The following SH3RF2 variants were observed in gnomAD, a reference collection of about 807,000 sequenced individuals.
SH3RF2 encodes SH3 domain containing ring finger 2.
A neutral mutation model predicts 59.0 loss-of-function variants in SH3RF2; 43 were observed. The ratio of observed to expected loss-of-function variants is 0.73; its 90% CI spans 0.57 to 0.94. The LOEUF is 0.94. Among genes scored for constraint, SH3RF2 ranks in the 40% least tolerant of loss-of-function variants. The probability of loss-of-function intolerance (pLI) is 0.00; values close to 1 mark genes in which losing one functional copy is unlikely to be tolerated. For synonymous variants in SH3RF2, 391 were observed against 391.5 expected (o/e 1.00, Z 0.01); for missense variants, 930 against 940.1 (o/e 0.99, Z 0.14).
intron 5 of SH3RF2, among the ~76,000 whole-genome samples, chr5:146,035,165 T>C (rs576877106): frequency 2.0e-5 from 3 of 152,116 alleles, no homozygotes; most frequent in African/African-American, 7.2e-5. Flanking sequence ...GTAGGCGATT[T>C]TTTTTTCTCT....
intron 4 of SH3RF2, among the ~76,000 whole-genome samples, chr5:146,013,337 G>A (rs532629696): frequency 1.3e-5 from 2 of 152,228 alleles, no homozygotes; most frequent in Middle Eastern, 3.4e-3. Flanking sequence ...GCTGCTGGGA[G>A]CACCAGGAAG....
At chr5:145,981,354 C>T (rs1759498606) in intron 2 of SH3RF2, among the ~76,000 whole-genome samples, 2 of 152,122 alleles carry the variant, frequency 1.3e-5, no homozygotes, top group South Asian at 4.1e-4. Context: ...CCACCTGAGT[C>T]TCCCAAAGTA....
At chr5:145,963,823 T>C (rs1378443317) in intron 2 of SH3RF2, among the ~76,000 whole-genome samples, 2 of 148,878 alleles carry the variant, frequency 1.3e-5, no homozygotes, top group African/African-American at 2.5e-5. Flanking sequence ...TCTTTCTTTC[T>C]TTTTTGTTTT....
chr5:145,992,402 G>T (rs1759975005), intron 2 of SH3RF2, among the ~76,000 whole-genome samples: 1 of 152,068 alleles, frequency 6.6e-6, no homozygotes, highest in Non-Finnish European at 1.5e-5. Context: ...TGCAGGCTTG[G>T]GCTTGGGGAT....
chr5:145,986,370 T>C (rs4913058), intron 2 of SH3RF2, among the ~76,000 whole-genome samples: 31,311 of 152,104 alleles, frequency 0.21, 4,579 homozygotes, highest in African/African-American at 0.4. Context: ...TCACTCTGCA[T>C]GGTGTATTTG....
chr5:146,038,169 A>C (rs1762007814), intron 5 of SH3RF2, among the ~76,000 whole-genome samples: 1 of 152,258 alleles, frequency 6.6e-6, no homozygotes, highest in Non-Finnish European at 1.5e-5. Context: ...CTAGGAATAA[A>C]AAGAAACTTA....
intron 2 of SH3RF2, among the ~76,000 whole-genome samples, chr5:145,966,214 T>G (rs1758850627): frequency 6.6e-6 from 1 of 152,164 alleles, no homozygotes; most frequent in African/African-American, 2.4e-5. Flanking sequence ...CTGGCTGCCT[T>G]GGTGAGAAGG....
intron 2 of SH3RF2, among the ~76,000 whole-genome samples, chr5:145,960,757 G>C (rs1430743786): frequency 1.3e-5 from 2 of 152,174 alleles, no homozygotes; most frequent in Non-Finnish European, 2.9e-5. Context: ...ACCCATGGAA[G>C]TCTACAGAGA....
rs113384452 is a variant in SH3RF2 at position 146,074,667 on chromosome 5, C to T, written c.*34-3793C>T. The stretch of plus-strand genomic sequence containing the variant: ...ATGAAACATAAAATATAATTTCCTT[C>T]GTTATCATTAGGGTATAGTTATTGA... On this transcript the variant is annotated intron_variant, in intron 9 of 9. Transcript: ENST00000511217. 2.0e-4 allele frequency among the ~76,000 whole-genome samples: 31 copies of T among 152,204 alleles called. 1 individual carries two copies. The highest frequency in any genetic ancestry group is 6.0e-4 in the African/African-American group (25 of 41,512).
chr5:145,994,934 G>T (rs992894848), intron 2 of SH3RF2, among the ~76,000 whole-genome samples: 1 of 151,934 alleles, frequency 6.6e-6, no homozygotes, highest in Non-Finnish European at 1.5e-5. Flanking sequence ...ATCTAAAGGG[G>T]CTTAGATCTT....
At chr5:145,970,177 A>G (rs7725651) in intron 2 of SH3RF2, among the ~76,000 whole-genome samples, 4,830 of 151,488 alleles carry the variant, frequency 0.032, 238 homozygotes, top group African/African-American at 0.11. Context: ...TTAATTGGAT[A>G]ATTTCTTTAG....
chr5:145,978,596 A>C (rs543055109), intron 2 of SH3RF2, among the ~76,000 whole-genome samples: 3 of 152,022 alleles, frequency 2.0e-5, no homozygotes, highest in Non-Finnish European at 4.4e-5. Context: ...GATTGAGAAC[A>C]TTAATTCAGG....
chr5:145,955,428 A>C (rs1478298971), intron 2 of SH3RF2, among the ~76,000 whole-genome samples: 3 of 152,200 alleles, frequency 2.0e-5, no homozygotes, highest in Non-Finnish European at 1.5e-5. Context: ...GAGGGGGATA[A>C]GGATTGAAAA....
intron 5 of SH3RF2, among the ~76,000 whole-genome samples, chr5:146,016,579 C>G (rs1442624030): frequency 6.6e-6 from 1 of 152,044 alleles, no homozygotes; most frequent in African/African-American, 2.4e-5. Context: ...GTAATTAAGG[C>G]CCCAAAAGAA....
At chr5:145,958,054 AG>A (rs1485674347) in intron 2 of SH3RF2, among the ~76,000 whole-genome samples, 1 of 152,058 alleles carries the variant, frequency 6.6e-6, no homozygotes, top group African/African-American at 2.4e-5. Flanking sequence ...CGGAGGTTGC[AG>A]TGAGCCAAGA....
intron 2 of SH3RF2, among the ~76,000 whole-genome samples, chr5:145,963,643 G>A (rs1758723925): frequency 6.6e-6 from 1 of 152,000 alleles, no homozygotes; most frequent in African/African-American, 2.4e-5. Context: ...TTACTCTCCT[G>A]TCAGGCTGAT....
rs1256637105 is a variant in SH3RF2, at chr5:146,038,374, G to T, written c.1060-9398G>T. Among the ~76,000 whole-genome samples the T allele has an allele frequency of 2.6e-5, 4 of 152,122 alleles. No individual in the cohort carries two copies. The East Asian group carries it at 7.7e-4, about 29-fold the overall frequency. On this transcript the variant is annotated intron_variant, in intron 5 of 9. Coordinates refer to ENST00000359120, the MANE Select transcript of SH3RF2 (RefSeq NM_152550.4). ...GAAGTAAAAGGTTAAGTCTTTGAAA[G>T]GAAGAAATATAACTGTCATTATTTG...
chr5:146,010,292 G>A lies in SH3RF2; in HGVS notation c.745-3455G>A, dbSNP rs139675963. ...CCAGTCTATCAGTGATGGACATTTG[G>A]ATTGGTTCCAAGTCTTTGCTATTGT... On this transcript the variant is annotated intron_variant, in intron 4 of 9. Coordinates refer to ENST00000359120, the MANE Select transcript of SH3RF2 (RefSeq NM_152550.4). Among the ~76,000 whole-genome samples the A allele has an allele frequency of 4.4e-3, 670 of 152,294 alleles. 12 individuals are homozygous for A. Among genetic ancestry groups the A allele is most frequent in the African/African-American group, 0.015 (605 of 41,546 alleles).
intron 2 of SH3RF2, among the ~76,000 whole-genome samples, chr5:145,959,615 ATGTGTGTGTGTGTG>A (rs35295719): frequency 1.7e-4 from 24 of 145,412 alleles, no homozygotes; most frequent in African/African-American, 5.3e-4. Flanking sequence ...CTATATATAT[ATGTGTGTGTGTGTG>A]TGTGTGTGTG....
Sources: gnomAD v4.1 joint callset for allele counts (sites outside exome capture counted in the v4.1 genomes callset) on GRCh38, gnomAD v4.1.1 for gene constraint, MANE v1.5 for transcripts, NCBI Gene and HGNC (gene_info 2026-07-23, HGNC 2026-07-21) for gene names.